The following TMEM163 variants were observed in gnomAD, a reference collection of about 807,000 sequenced individuals.
TMEM163 encodes the protein transmembrane protein 163.
A neutral mutation model predicts 29.3 loss-of-function variants in TMEM163; 17 were observed. The observed-to-expected ratio is 0.58, with a 90% CI of 0.40 to 0.87. The LOEUF is 0.87. Ranked by LOEUF, TMEM163 falls within the 40% of genes least tolerant of loss-of-function variation. TMEM163 has a pLI of 0.00. For missense variants in TMEM163, 303 were observed against 381.5 expected, an observed-to-expected ratio of 0.79 and a Z score of 1.71; for synonymous variants, 157 against 160.6, an observed-to-expected ratio of 0.98 and a Z score of 0.17.
At chr2:134,513,119 T>C (rs527523748) in intron 4 of TMEM163, among the ~76,000 whole-genome samples, 1 of 152,300 alleles carries the variant, frequency 6.6e-6, no homozygotes, top group Admixed American at 6.5e-5. Context: ...CAAGTCTTGT[T>C]AATGCGTGGT....
At chr2:134,592,749 C>T (rs867473693) in intron 2 of TMEM163, among the ~76,000 whole-genome samples, 1 of 151,820 alleles carries the variant, frequency 6.6e-6, no homozygotes, top group Non-Finnish European at 1.5e-5. Context: ...CTATCTCTCC[C>T]TGTATGCATA....
chr2:134,705,963 G>A (rs1409732033), intron 2 of TMEM163, among the ~76,000 whole-genome samples: 2 of 152,204 alleles, frequency 1.3e-5, no homozygotes, highest in Non-Finnish European at 2.9e-5. Context: ...ACGGCTGTGC[G>A]ACAGGGACAC....
chr2:134,616,165 C>T (rs1192364536), intron 2 of TMEM163, among the ~76,000 whole-genome samples: 3 of 152,162 alleles, frequency 2.0e-5, no homozygotes, highest in Non-Finnish European at 4.4e-5. Context: ...TTTTGAGATG[C>T]TCAACGTATT....
intron 4 of TMEM163, among the ~76,000 whole-genome samples, chr2:134,510,904 G>A (rs891635888): frequency 2.0e-5 from 3 of 152,114 alleles, no homozygotes; most frequent in Non-Finnish European, 2.9e-5. Context: ...CCGTCTAAAG[G>A]TTGCCAAACC....
At chr2:134,488,457 C>G (rs1180069475) in intron 5 of TMEM163, among the ~76,000 whole-genome samples, 1 of 152,172 alleles carries the variant, frequency 6.6e-6, no homozygotes, top group Non-Finnish European at 1.5e-5. Context: ...CATCAGACTC[C>G]AAGTTCTTCA....
At chr2:134,637,838 T>C (rs1464703974) in intron 2 of TMEM163, among the ~76,000 whole-genome samples, 3 of 152,210 alleles carry the variant, frequency 2.0e-5, no homozygotes, top group South Asian at 4.1e-4. Flanking sequence ...GGGTCTTTAT[T>C]TGGAAGTTTG....
At chr2:134,570,499 C>T (rs539982916) in intron 2 of TMEM163, among the ~76,000 whole-genome samples, 1 of 140,862 alleles carries the variant, frequency 7.1e-6, no homozygotes, top group African/African-American at 3.2e-5. Context: ...TATACATATA[C>T]ATATACATAT....
chr2:134,500,999 T>C (rs753067017), intron 5 of TMEM163, among the ~76,000 whole-genome samples: 33 of 152,156 alleles, frequency 2.2e-4, no homozygotes, highest in Non-Finnish European at 4.3e-4. Context: ...ATACTGAATG[T>C]TCCCAACACA....
intron 4 of TMEM163, among the ~76,000 whole-genome samples, chr2:134,514,836 T>C (rs940984602): frequency 2.0e-5 from 3 of 152,192 alleles, no homozygotes. Context: ...GCGCAGAAAC[T>C]TTCCATGTGC....
chr2:134,627,590 A>AT (rs1682880604), intron 2 of TMEM163, among the ~76,000 whole-genome samples: 1 of 152,206 alleles, frequency 6.6e-6, no homozygotes, highest in African/African-American at 2.4e-5. Context: ...AATAATTTAA[A>AT]GACACAATTA....
At chr2:134,529,360 G>A (rs971580751) in intron 4 of TMEM163, among the ~76,000 whole-genome samples, 6 of 150,194 alleles carry the variant, frequency 4.0e-5, no homozygotes, top group African/African-American at 1.5e-4. Context: ...ATATAAACCT[G>A]CGCACATGCA....
At chr2:134,639,443 T>C (rs894810227) in intron 2 of TMEM163, among the ~76,000 whole-genome samples, 2 of 152,232 alleles carry the variant, frequency 1.3e-5, no homozygotes, top group Admixed American at 6.5e-5. Context: ...TGGTCTCTTT[T>C]ATTTGTGGTT....
chr2:134,696,948 G>C (rs889222359), intron 2 of TMEM163, among the ~76,000 whole-genome samples: 2 of 152,044 alleles, frequency 1.3e-5, no homozygotes, highest in African/African-American at 4.8e-5. Flanking sequence ...GGTAATTTTT[G>C]TATTTTTAGT....
At chr2:134,516,649 TCATA>T (rs1680065690) in intron 4 of TMEM163, among the ~76,000 whole-genome samples, 5 of 147,664 alleles carry the variant, frequency 3.4e-5, no homozygotes, top group East Asian at 2.0e-4. Flanking sequence ...ATACTTATAT[TCATA>T]CATATATTCA....
intron 2 of TMEM163, among the ~76,000 whole-genome samples, chr2:134,656,322 C>A (rs57274837): frequency 0.087 from 13,045 of 149,374 alleles, 556 homozygotes; most frequent in South Asian, 0.15. Flanking sequence ...CAGGTGCGTC[C>A]GTCACCCCTT....
chr2:134,597,244 G>A (rs1422270028), intron 2 of TMEM163, among the ~76,000 whole-genome samples: 4 of 152,220 alleles, frequency 2.6e-5, no homozygotes, highest in Non-Finnish European at 4.4e-5. Context: ...GATATTGGCT[G>A]TGGGTTTGTC....
chr2:134,510,178 C>T (rs980163211), intron 4 of TMEM163, among the ~76,000 whole-genome samples: 1 of 151,936 alleles, frequency 6.6e-6, no homozygotes, highest in African/African-American at 2.4e-5. Context: ...TTTTAATGTA[C>T]CTCAGAAAAA....
intron 2 of TMEM163, among the ~76,000 whole-genome samples, chr2:134,697,330 A>G (rs1266001865): frequency 6.6e-6 from 1 of 152,104 alleles, no homozygotes; most frequent in African/African-American, 2.4e-5. Context: ...TGCCTAATTT[A>G]CCAGTTACAA....
At chr2:134,471,481 C>T (rs2106476340) in intron 5 of TMEM163, among the ~76,000 whole-genome samples, 1 of 152,322 alleles carries the variant, frequency 6.6e-6, no homozygotes, top group African/African-American at 2.4e-5. Context: ...GATGCTGACT[C>T]TGCTGGCACA....
Sources: allele counts gnomAD v4.1 joint callset (sites outside exome capture counted in the v4.1 genomes callset), GRCh38; gene constraint gnomAD v4.1.1; transcripts MANE v1.5; gene names NCBI Gene and HGNC (gene_info 2026-07-23, HGNC 2026-07-21).